The following FTO variants were observed in gnomAD, a reference collection of about 807,000 sequenced individuals.
FTO encodes FTO alpha-ketoglutarate dependent dioxygenase.
In FTO, 47 loss-of-function variants were observed where a neutral mutation model predicts 63.9. That is an observed-to-expected ratio of 0.74 (90% CI 0.58 to 0.94). FTO has a LOEUF of 0.94. Among genes scored for constraint, FTO ranks in the 40% least tolerant of loss-of-function variants. FTO has a pLI of 0.00. For missense variants in FTO, 562 were observed against 618.1 expected (o/e 0.91, Z 0.96); for synonymous variants, 207 against 224.4 (o/e 0.92, Z 0.69).
intron 1 of FTO, among the ~76,000 whole-genome samples, chr16:53,706,989 G>C (rs1468906173): frequency 1.3e-5 from 2 of 152,160 alleles, no homozygotes; most frequent in African/African-American, 4.8e-5. Context: ...GAGTAGAATT[G>C]CTTAGTTATA....
At chr16:53,844,752 C>G (rs563508571) in intron 4 of FTO, among the ~76,000 whole-genome samples, 1 of 139,468 alleles carries the variant, frequency 7.2e-6, no homozygotes, top group African/African-American at 2.6e-5. Flanking sequence ...CATGCCCGGC[C>G]CAATTAAAAG....
At chr16:53,873,207 A>T (rs1164861119) in intron 4 of FTO, among the ~76,000 whole-genome samples, 2 of 152,194 alleles carry the variant, frequency 1.3e-5, no homozygotes, top group Non-Finnish European at 2.9e-5. Context: ...TTCTAAAGAT[A>T]AGGGTAGAAG....
intron 8 of FTO, among the ~76,000 whole-genome samples, chr16:54,102,560 G>A (rs1288985111): frequency 1.3e-5 from 2 of 151,990 alleles, no homozygotes; most frequent in Non-Finnish European, 2.9e-5. Context: ...AAAACAAAAA[G>A]CCCTGATGTT....
chr16:53,793,237 A>C (rs929201477), intron 1 of FTO, among the ~76,000 whole-genome samples: 4 of 152,174 alleles, frequency 2.6e-5, no homozygotes, highest in African/African-American at 4.8e-5. Flanking sequence ...ACCCTTCCCC[A>C]AAGTTTTATT....
At chr16:53,869,611 A>T (rs193258814) in intron 4 of FTO, among the ~76,000 whole-genome samples, 1 of 142,994 alleles carries the variant, frequency 7.0e-6, no homozygotes, top group East Asian at 2.0e-4. Flanking sequence ...ATATATCCTC[A>T]TGCTCAGAGA....
At position 53,906,800 on chromosome 16, in the gene FTO, C is replaced by G. The variant is rs1010186921; in HGVS notation, c.1239+17849C>G. ...GCTGTCCGTTCCCCCAAACTAGCCC[C>G]CTTCTAGAGTTCCCTAACTGAAGAA... On this transcript the variant is annotated intron_variant, in intron 7 of 8. Coordinates refer to ENST00000471389, the MANE Select transcript of FTO (RefSeq NM_001080432.3). Among the ~76,000 whole-genome samples, 21 of 152,054 alleles carry G rather than the reference C, an allele frequency of 1.4e-4. 1 individual carries two copies. The highest frequency in any genetic ancestry group is 1.4e-3 in the Admixed American group (21 of 15,264).
intron 8 of FTO, among the ~76,000 whole-genome samples, chr16:53,951,876 G>A (rs1217666328): frequency 1.3e-5 from 2 of 151,816 alleles, no homozygotes; most frequent in Non-Finnish European, 2.9e-5. Flanking sequence ...GGTGGTTCAT[G>A]GATATGGCTA....
chr16:53,836,639 A>G (rs1222635960), intron 3 of FTO, among the ~76,000 whole-genome samples: 1 of 152,162 alleles, frequency 6.6e-6, no homozygotes, highest in Non-Finnish European at 1.5e-5. Flanking sequence ...ATAATTCCAG[A>G]CCCAAAGAGG....
chr16:53,907,706 C>T (rs1416860242), intron 7 of FTO, among the ~76,000 whole-genome samples: 1 of 152,192 alleles, frequency 6.6e-6, no homozygotes, highest in Admixed American at 6.5e-5. Flanking sequence ...CTTTCTCAAT[C>T]AGTCTAATCA....
chr16:53,707,827 TTTAG>T (rs2075665400), intron 1 of FTO, among the ~76,000 whole-genome samples: 1 of 152,258 alleles, frequency 6.6e-6, no homozygotes, highest in African/African-American at 2.4e-5. Context: ...ACCGTCTTAT[TTTAG>T]AACAGTTCCA....
intron 4 of FTO, among the ~76,000 whole-genome samples, chr16:53,870,898 T>C (rs921784305): frequency 6.6e-6 from 1 of 152,190 alleles, no homozygotes; most frequent in Admixed American, 6.5e-5. Flanking sequence ...TTCTGAAAAG[T>C]CTTTATTTCA....
chr16:53,939,240 C>G (rs1241125558), intron 8 of FTO, among the ~76,000 whole-genome samples: 1 of 152,142 alleles, frequency 6.6e-6, no homozygotes, highest in Non-Finnish European at 1.5e-5. Flanking sequence ...TTTGGCTTGA[C>G]TATCTATGTC....
chr16:53,976,311 G>A (rs1179391247), intron 8 of FTO, among the ~76,000 whole-genome samples: 1 of 152,084 alleles, frequency 6.6e-6, no homozygotes, highest in Non-Finnish European at 1.5e-5. Flanking sequence ...GTGACTGGTT[G>A]TTGAGTAGGG....
chr16:53,753,933 C>T (rs543275633), intron 1 of FTO, among the ~76,000 whole-genome samples: 1 of 152,224 alleles, frequency 6.6e-6, no homozygotes, highest in Non-Finnish European at 1.5e-5. Context: ...GCAGCTCCCA[C>T]TGCACTTTTT....
chr16:53,987,903 G>C (rs1254234725), intron 8 of FTO, among the ~76,000 whole-genome samples: 3 of 152,302 alleles, frequency 2.0e-5, no homozygotes, highest in Non-Finnish European at 4.4e-5. Flanking sequence ...AAATGCAATT[G>C]TTAGAAAGTA....
intron 1 of FTO, among the ~76,000 whole-genome samples, chr16:53,765,769 T>C (rs2077185510): frequency 6.6e-6 from 1 of 151,910 alleles, no homozygotes; most frequent in African/African-American, 2.4e-5. Flanking sequence ...GAGCTTAGCA[T>C]GTAGAAGGAA....
chr16:53,923,806 C>T (rs898068693), intron 7 of FTO, among the ~76,000 whole-genome samples: 6 of 151,826 alleles, frequency 4.0e-5, no homozygotes, highest in Non-Finnish European at 7.4e-5. Context: ...CGAGCTTAAA[C>T]GTATGGGGCA....
In FTO at chr16:54,048,314, T is replaced by C. The variant is rs113688034; in HGVS notation, c.1365-63448T>C. Among the ~76,000 whole-genome samples, 5 of 149,128 alleles carry C rather than the reference T, an allele frequency of 3.4e-5. 1 individual carries two copies. Among genetic ancestry groups the C allele is most frequent in the African/African-American group, 7.4e-5 (3 of 40,462 alleles). ...GTTGCTTGGGTGGAGTAGGTACAAG[T>C]TGGTGATTACCATTCAGGTTGGCTG... is the stretch of plus-strand genomic sequence containing the variant. On this transcript the variant is annotated intron_variant, in intron 8 of 8. Coordinates refer to ENST00000471389, the MANE Select transcript of FTO (RefSeq NM_001080432.3).
At chr16:53,925,631 G>T (rs766242871) in intron 7 of FTO, among the ~76,000 whole-genome samples, 10 of 152,126 alleles carry the variant, frequency 6.6e-5, no homozygotes, top group Non-Finnish European at 8.8e-5. Context: ...CATCATATCA[G>T]AGAGGAACCA....
Sources: allele counts gnomAD v4.1 joint callset (sites outside exome capture counted in the v4.1 genomes callset), GRCh38; gene constraint gnomAD v4.1.1; transcripts MANE v1.5; gene names NCBI Gene and HGNC (gene_info 2026-07-23, HGNC 2026-07-21).